Variants in EDRF1 observed in about 807,000 individuals in gnomAD.
EDRF1 encodes the protein erythroid differentiation regulatory factor 1.
Under a neutral mutation model 148.7 loss-of-function variants are expected in EDRF1, and 69 were observed. That is an observed-to-expected ratio of 0.46 (90% CI 0.38 to 0.57). The LOEUF is 0.57. Among genes scored for constraint, EDRF1 ranks in the 20% least tolerant of loss-of-function variants. The pLI is 0.00. For synonymous variants in EDRF1, 515 were observed against 532.8 expected (o/e 0.97, Z 0.46); for missense variants, 1,118 against 1,478.7 (o/e 0.76, Z 4.00).
intron 6 of EDRF1, among the ~76,000 whole-genome samples, chr10:125,727,640 T>C (rs1212233604): frequency 2.0e-5 from 3 of 152,130 alleles, no homozygotes; most frequent in African/African-American, 4.8e-5. Context: ...CAAGGCACAA[T>C]AGAAGTGCTA....
At chr10:125,758,781 C>A (rs926037788) in intron 24 of EDRF1, among the ~76,000 whole-genome samples, 1 of 152,144 alleles carries the variant, frequency 6.6e-6, no homozygotes, top group African/African-American at 2.4e-5. Flanking sequence ...GCCTTTTCGC[C>A]TGTTTGGGAG....
intron 12 of EDRF1, 66 bp from the exon 13 acceptor site, chr10:125,735,578 A>G (rs1848685375): frequency 3.3e-6 from 5 of 1,529,872 alleles, no homozygotes; most frequent in Non-Finnish European, 2.7e-6. Context: ...ATTCGTTAGT[A>G]TGGTAGTAAA....
In EDRF1 at chr10:125,719,774, T is replaced by A; in HGVS notation, c.-34T>A. On this transcript the variant is annotated 5_prime_UTR_variant, in exon 1 of 25. Transcript: ENST00000356792. ...TGCGTTGCTGCTGCTGCTCCTCCGC[T>A]CCCCCGTCGTATCGCCTGCCCTGGA... The A allele has an allele frequency of 5.1e-6, 8 of 1,568,422 alleles. No homozygotes were observed. The highest frequency in any genetic ancestry group is 7.0e-6 in the Non-Finnish European group (8 of 1,147,628).
In EDRF1 at chr10:125,734,198, T is replaced by A. The variant is rs1170911170; in HGVS notation, c.1497+15T>A. 1.3e-6 allele frequency: 2 copies of A among 1,554,308 alleles called. No individual in the cohort carries two copies. The highest frequency in any genetic ancestry group is 2.7e-5 in the African/African-American group (2 of 73,640). ...GGCATCCTCAAGTAAGATTAACATT[T>A]ATGTATTCTCTAAAACAATCCTAGC... is the stretch of plus-strand genomic sequence containing the variant. On this transcript the variant is annotated intron_variant, in intron 12 of 24. Transcript: ENST00000356792.
chr10:125,726,971 G>C (rs1848282685), intron 6 of EDRF1, among the ~76,000 whole-genome samples: 1 of 152,210 alleles, frequency 6.6e-6, no homozygotes, highest in Non-Finnish European at 1.5e-5. Flanking sequence ...CTGTAGACTT[G>C]CGTGTTGAGG....
intron 13 of EDRF1, among the ~76,000 whole-genome samples, chr10:125,736,549 G>A (rs982067493): frequency 2.0e-5 from 3 of 152,170 alleles, no homozygotes; most frequent in African/African-American, 7.2e-5. Flanking sequence ...AAATACAGTC[G>A]TATTTACAGA....
chr10:125,754,754 G>A (rs1268034808), intron 24 of EDRF1, among the ~76,000 whole-genome samples: 2 of 152,250 alleles, frequency 1.3e-5, no homozygotes, highest in South Asian at 2.1e-4. Context: ...TTAAATATAA[G>A]TGCAATCTGG....
intron 9 of EDRF1, 28 bp downstream of exon 9, chr10:125,730,427 T>C: frequency 6.4e-7 from 1 of 1,565,110 alleles, no homozygotes; most frequent in Non-Finnish European, 8.8e-7. Context: ...TTTTCTGATC[T>C]CTCAAATGCA....
At chr10:125,744,129 C>T (rs573012709) in intron 18 of EDRF1, among the ~76,000 whole-genome samples, 74 of 151,734 alleles carry the variant, frequency 4.9e-4, no homozygotes, top group African/African-American at 1.8e-3. Context: ...AGCCTGGACA[C>T]AGGGACAGAA....
intron 6 of EDRF1, among the ~76,000 whole-genome samples, chr10:125,726,355 A>G (rs1235310803): frequency 6.6e-6 from 1 of 152,216 alleles, no homozygotes; most frequent in African/African-American, 2.4e-5. Flanking sequence ...AAAATTCCTG[A>G]AACTTAGTCC....
At chr10:125,727,955 G>C (rs1215280819) in intron 6 of EDRF1, among the ~76,000 whole-genome samples, 18 of 152,104 alleles carry the variant, frequency 1.2e-4, no homozygotes, top group Non-Finnish European at 2.6e-4. Context: ...CCAGCACTTT[G>C]GGAGGCCGAG....
At chr10:125,752,697 T>C in intron 22 of EDRF1, 102 bp from the exon 23 acceptor site, 1 of 770,486 alleles carries the variant, frequency 1.3e-6, no homozygotes, top group Non-Finnish European at 2.2e-6. Context: ...ATTAGCTTCC[T>C]TTATAGCATT....
rs145132585 is a variant in EDRF1, at chr10:125,751,327, G to C, written c.3278-1472G>C. ...ATATTTTAGAGGGTTTTGTTAGCCA[G>C]GTTTGTGGGTTTTGTAAGCCAAGTT... On this transcript the variant is annotated intron_variant, in intron 22 of 24. Transcript: ENST00000356792. 2.1e-4 allele frequency among the ~76,000 whole-genome samples: 32 copies of C among 151,968 alleles called. No homozygotes were observed. In the East Asian group the frequency reaches 6.2e-3, roughly 29 times the overall value.
chr10:125,745,596 T>C, intron 18 of EDRF1, 111 bp from the exon 19 acceptor site: 1 of 1,120,264 alleles, frequency 8.9e-7, no homozygotes, highest in Non-Finnish European at 1.3e-6. Flanking sequence ...GGTGACTGGC[T>C]CGCCACCACA....
intron 18 of EDRF1, among the ~76,000 whole-genome samples, chr10:125,744,080 A>G (rs780829513): frequency 1.3e-5 from 2 of 152,214 alleles, no homozygotes; most frequent in African/African-American, 2.4e-5. Flanking sequence ...ATTCACATAA[A>G]GGTAATAGTT....
chr10:125,757,421 A>T (rs1849960248), intron 24 of EDRF1, among the ~76,000 whole-genome samples: 1 of 152,128 alleles, frequency 6.6e-6, no homozygotes, highest in African/African-American at 2.4e-5. Flanking sequence ...TATACGTTTT[A>T]CTTGTACATA....
chr10:125,737,536 A>G (rs1467150870), intron 13 of EDRF1, among the ~76,000 whole-genome samples: 1 of 152,226 alleles, frequency 6.6e-6, no homozygotes, highest in Non-Finnish European at 1.5e-5. Flanking sequence ...AATATCCTTC[A>G]TAGTTGGAGG....
At chr10:125,747,461 G>T (rs1849419154) in intron 19 of EDRF1, 75 bp from the exon 20 acceptor site, 4 of 1,480,466 alleles carry the variant, frequency 2.7e-6, no homozygotes, top group Admixed American at 1.7e-5. Flanking sequence ...TAGTTGTGAA[G>T]TGTGTTTTAT....
intron 13 of EDRF1, among the ~76,000 whole-genome samples, chr10:125,736,437 C>G (rs1848737883): frequency 6.6e-6 from 1 of 152,146 alleles, no homozygotes; most frequent in African/African-American, 2.4e-5. Context: ...TGCACTGACT[C>G]TACCATCAGT....
Sources: gnomAD v4.1 joint callset for allele counts (sites outside exome capture counted in the v4.1 genomes callset) on GRCh38, gnomAD v4.1.1 for gene constraint, MANE v1.5 for transcripts, NCBI Gene and HGNC (gene_info 2026-07-23, HGNC 2026-07-21) for gene names.